XCR1: variants seen among roughly 807,000 people sequenced by gnomAD.
The protein encoded by XCR1 is X-C motif chemokine receptor 1, also known as chemokine XC receptor 1.
For synonymous variants in XCR1, 187 were observed against 188.5 expected, an observed-to-expected ratio of 0.99 and a Z score of 0.06; for missense variants, 356 against 424.2, an observed-to-expected ratio of 0.84 and a Z score of 1.41.
chr3:46,052,110 A>G (rs1330146410), intron 5 of XCR1, among the ~76,000 whole-genome samples: 1 of 152,210 alleles, frequency 6.6e-6, no homozygotes, highest in Non-Finnish European at 1.5e-5. Context: ...ATGCCTTGCA[A>G]GTTAAGGCGG....
intron 1 of XCR1, among the ~76,000 whole-genome samples, chr3:46,080,004 G>A (rs1386113390): frequency 2.0e-5 from 3 of 152,002 alleles, no homozygotes; most frequent in African/African-American, 4.8e-5. Flanking sequence ...CAAATGTAGA[G>A]TGGAAGATAA....
intron 5 of XCR1, among the ~76,000 whole-genome samples, chr3:46,032,881 G>A (rs1185531943): frequency 6.6e-6 from 1 of 152,192 alleles, no homozygotes; most frequent in African/African-American, 2.4e-5. Flanking sequence ...AATGACATAT[G>A]ATGTTGAGCA....
intron 1 of XCR1, among the ~76,000 whole-genome samples, chr3:46,081,948 A>G (rs1419634614): frequency 1.3e-5 from 2 of 152,076 alleles, no homozygotes; most frequent in African/African-American, 4.8e-5. Flanking sequence ...AAGTGAGAAT[A>G]TGTGGAGATT....
intron 5 of XCR1, among the ~76,000 whole-genome samples, chr3:46,034,163 G>A (rs1219390748): frequency 1.3e-5 from 2 of 151,858 alleles, no homozygotes; most frequent in Non-Finnish European, 2.9e-5. Flanking sequence ...TAGTAGACGG[G>A]GTTTCACCAC....
chr3:46,030,798 A>G (rs1350341818), upstream of XCR1, among the ~76,000 whole-genome samples: 2 of 152,202 alleles, frequency 1.3e-5, no homozygotes, highest in South Asian at 4.1e-4. Flanking sequence ...AGCTTACTGC[A>G]CACCACCCCT....
At chr3:46,046,251 GC>G (rs1461083647) in intron 5 of XCR1, among the ~76,000 whole-genome samples, 1 of 152,170 alleles carries the variant, frequency 6.6e-6, no homozygotes, top group Non-Finnish European at 1.5e-5. Flanking sequence ...GGGTCAGGGG[GC>G]ACCTTGCCTC....
chr3:46,023,876 A>C (rs1274294941), intron 1 of XCR1: 1 of 1,521,960 alleles, frequency 6.6e-7, no homozygotes, highest in Non-Finnish European at 9.1e-7. Flanking sequence ...AGATTAAGGA[A>C]AGAAAATAAC....
At chr3:46,080,033 G>T (rs1434460066) in intron 1 of XCR1, among the ~76,000 whole-genome samples, 2 of 151,748 alleles carry the variant, frequency 1.3e-5, no homozygotes, top group Non-Finnish European at 1.5e-5. Flanking sequence ...TATACTCAAA[G>T]GCCAGATGAA....
intron 1 of XCR1, among the ~76,000 whole-genome samples, chr3:46,084,996 G>A (rs1698447428): frequency 6.6e-6 from 1 of 152,016 alleles, no homozygotes. Context: ...AAAGCTGGAT[G>A]GAGTACTCCC....
At chr3:46,034,058 T>C (rs546134555) in intron 5 of XCR1, among the ~76,000 whole-genome samples, 1 of 152,214 alleles carries the variant, frequency 6.6e-6, no homozygotes, top group African/African-American at 2.4e-5. Context: ...CTGCAACCTC[T>C]GCCTCCTGGG....
chr3:46,077,102 A>G (rs1000171259), intron 1 of XCR1, among the ~76,000 whole-genome samples: 1 of 152,148 alleles, frequency 6.6e-6, no homozygotes, highest in Non-Finnish European at 1.5e-5. Flanking sequence ...TAGCTATAAA[A>G]TGCCATATAC....
chr3:46,023,519 G>A (rs1708212740), intron 1 of XCR1: 1 of 1,569,132 alleles, frequency 6.4e-7, no homozygotes. Context: ...CAAGAGAGAT[G>A]GAAAAGGGCC....
At chr3:46,076,577 G>GA (rs3053293) in intron 2 of XCR1, among the ~76,000 whole-genome samples, 32,347 of 135,568 alleles carry the variant, frequency 0.24, 4,016 homozygotes, top group African/African-American at 0.33. Flanking sequence ...CCATTATTTT[G>GA]AAAAAAAAAA....
intron 1 of XCR1, among the ~76,000 whole-genome samples, chr3:46,082,649 C>T (rs1698395386): frequency 7.5e-6 from 1 of 133,586 alleles, no homozygotes; most frequent in African/African-American, 2.5e-5. Context: ...CACCACCACA[C>T]CCAGCTAATT....
At chr3:46,071,025 C>A (rs1698155256) in intron 3 of XCR1, among the ~76,000 whole-genome samples, 1 of 151,950 alleles carries the variant, frequency 6.6e-6, no homozygotes, top group Admixed American at 6.6e-5. Context: ...CTCCTTTGAG[C>A]ATTTCTTGTA....
intron 5 of XCR1, among the ~76,000 whole-genome samples, chr3:46,033,284 T>C (rs1697339307): frequency 6.6e-6 from 1 of 152,228 alleles, no homozygotes; most frequent in African/African-American, 2.4e-5. Flanking sequence ...CTAGATTTTC[T>C]CCGGTGTTAC....
In XCR1 at chr3:46,039,009, A is replaced by G. The variant is rs999826683; in HGVS notation, c.-32+14911T>C. Among the ~76,000 whole-genome samples, 12 of 151,942 alleles carry G rather than the reference A, an allele frequency of 7.9e-5. No individual in the cohort carries two copies. In the East Asian group the frequency reaches 2.3e-3, roughly 29 times the overall value. ...AAAAAAAAAGTGAGACTTTCCAGTT[A>G]TCTTTGACCCAAAGCCATTTATCAC... On this transcript the variant is annotated intron_variant, in intron 5 of 5. Transcript: ENST00000683768.
intron 3 of XCR1, among the ~76,000 whole-genome samples, chr3:46,074,006 A>G (rs904192647): frequency 2.6e-5 from 4 of 152,100 alleles, no homozygotes; most frequent in Admixed American, 6.5e-5. Context: ...TCTTTGGAAA[A>G]TAATATGGAG....
At chr3:46,049,224 T>A (rs1697693743) in intron 5 of XCR1, among the ~76,000 whole-genome samples, 1 of 152,206 alleles carries the variant, frequency 6.6e-6, no homozygotes, top group African/African-American at 2.4e-5. Context: ...ATTACATCCT[T>A]CTACAGGTGT....
Sources: gnomAD v4.1 joint callset for allele counts (sites outside exome capture counted in the v4.1 genomes callset) on GRCh38, gnomAD v4.1.1 for gene constraint, MANE v1.5 for transcripts, NCBI Gene and HGNC (gene_info 2026-07-23, HGNC 2026-07-21) for gene names.